Variants in ROBO2 observed in about 807,000 individuals in gnomAD.
ROBO2 encodes the protein roundabout homolog 2.
Under a neutral mutation model 160.8 loss-of-function variants are expected in ROBO2, and 53 were observed. The observed-to-expected ratio is 0.33, with a 90% CI of 0.26 to 0.41. ROBO2 has a LOEUF of 0.41. Among genes scored for constraint, ROBO2 ranks in the 10% least tolerant of loss-of-function variants. ROBO2 has a pLI of 1.00. For missense variants in ROBO2, 1,577 were observed against 1,722.4 expected (o/e 0.92, Z 1.49); for synonymous variants, 664 against 611.7 (o/e 1.09, Z -1.26).
chr3:76,742,287 C>G (rs1327370286), intron 2 of ROBO2, among the ~76,000 whole-genome samples: 1 of 152,074 alleles, frequency 6.6e-6, no homozygotes, highest in African/African-American at 2.4e-5. Flanking sequence ...AAGGGCTAGA[C>G]AATGATTAAA....
At chr3:76,472,454 C>A (rs2078715903) in intron 2 of ROBO2, among the ~76,000 whole-genome samples, 2 of 152,048 alleles carry the variant, frequency 1.3e-5, no homozygotes, top group African/African-American at 4.8e-5. Flanking sequence ...ATGCCGACTG[C>A]AATCCTCATC....
intron 2 of ROBO2, among the ~76,000 whole-genome samples, chr3:76,915,217 G>A (rs927518303): frequency 9.2e-5 from 14 of 152,168 alleles, no homozygotes; most frequent in African/African-American, 1.9e-4. Context: ...TCTATTCCCC[G>A]TGCTTAGCCA....
chr3:76,202,379 C>T (rs181621707), intron 2 of ROBO2, among the ~76,000 whole-genome samples: 18 of 152,202 alleles, frequency 1.2e-4, no homozygotes, highest in Admixed American at 7.9e-4. Context: ...GTAGGAAACG[C>T]GGATTGATGA....
At chr3:77,037,314 G>A (rs980166016), upstream of ROBO2, among the ~76,000 whole-genome samples, 4 of 152,124 alleles carry the variant, frequency 2.6e-5, no homozygotes, top group African/African-American at 9.7e-5. Flanking sequence ...ATTCCAAAAT[G>A]TTTTGGTGAA....
intron 2 of ROBO2, among the ~76,000 whole-genome samples, chr3:76,608,277 A>G (rs561207472): frequency 3.3e-5 from 5 of 152,274 alleles, no homozygotes; most frequent in African/African-American, 1.2e-4. Flanking sequence ...TTGAAGTGCC[A>G]TCCCATTCTG....
At chr3:76,981,914 A>G (rs1377339721) in intron 2 of ROBO2, among the ~76,000 whole-genome samples, 1 of 152,150 alleles carries the variant, frequency 6.6e-6, no homozygotes, top group African/African-American at 2.4e-5. Context: ...CAAACTCACT[A>G]TCTTACAGGC....
chr3:76,465,522 G>A (rs2078314600), intron 2 of ROBO2, among the ~76,000 whole-genome samples: 1 of 151,950 alleles, frequency 6.6e-6, no homozygotes, highest in Non-Finnish European at 1.5e-5. Flanking sequence ...TCAGAAAAAT[G>A]ATGGATGATA....
intron 2 of ROBO2, among the ~76,000 whole-genome samples, chr3:77,266,267 A>G (rs1470203): frequency 0.53 from 79,714 of 151,530 alleles, 21,635 homozygotes; most frequent in Middle Eastern, 0.71. Context: ...CAGTGCTCTA[A>G]GTAGCTTATA....
intron 2 of ROBO2, among the ~76,000 whole-genome samples, chr3:76,005,623 A>T (rs983082893): frequency 1.3e-5 from 2 of 152,204 alleles, no homozygotes; most frequent in African/African-American, 4.8e-5. Context: ...CACACTTTTG[A>T]TAAGCCAATA....
At chr3:77,394,147 T>A (rs1452735716) in intron 2 of ROBO2, among the ~76,000 whole-genome samples, 1 of 152,182 alleles carries the variant, frequency 6.6e-6, no homozygotes, top group Non-Finnish European at 1.5e-5. Flanking sequence ...ATCTGTACTT[T>A]AAGAAGGGCC....
chr3:76,374,482 C>T (rs2108503824), intron 2 of ROBO2, among the ~76,000 whole-genome samples: 1 of 151,988 alleles, frequency 6.6e-6, no homozygotes, highest in East Asian at 1.9e-4. Context: ...TGAAAAATAG[C>T]CGTGTTCTCT....
intron 2 of ROBO2, among the ~76,000 whole-genome samples, chr3:76,401,889 A>G (rs1467419230): frequency 6.6e-6 from 1 of 151,566 alleles, no homozygotes; most frequent in Non-Finnish European, 1.5e-5. Context: ...AAGTGAATTC[A>G]TCATAGCCTA....
At chr3:76,452,840 T>A (rs1014302775) in intron 2 of ROBO2, among the ~76,000 whole-genome samples, 3 of 152,212 alleles carry the variant, frequency 2.0e-5, no homozygotes, top group African/African-American at 7.2e-5. Context: ...GCACCTGTTG[T>A]TTCCTGACTT....
chr3:76,058,868 C>A (rs2067960240), intron 2 of ROBO2, among the ~76,000 whole-genome samples: 1 of 135,234 alleles, frequency 7.4e-6, no homozygotes, highest in East Asian at 2.2e-4. Context: ...TCTCATTGTT[C>A]AATTCCCACC....
intron 2 of ROBO2, among the ~76,000 whole-genome samples, chr3:76,091,595 A>G (rs2069239039): frequency 6.6e-6 from 1 of 152,186 alleles, no homozygotes; most frequent in South Asian, 2.1e-4. Flanking sequence ...AAATAAACTG[A>G]AAACTTATGT....
At chr3:76,270,189 A>G in intron 2 of ROBO2, among the ~76,000 whole-genome samples, 1 of 152,074 alleles carries the variant, frequency 6.6e-6, no homozygotes, top group Admixed American at 6.6e-5. Context: ...GGTTCAAGGG[A>G]ACCACAATGG....
chr3:76,145,531 A>C (rs565341520), intron 2 of ROBO2, among the ~76,000 whole-genome samples: 50 of 152,164 alleles, frequency 3.3e-4, no homozygotes, highest in African/African-American at 1.0e-3. Flanking sequence ...AAAAATACGT[A>C]AATTAATGTA....
intron 2 of ROBO2, among the ~76,000 whole-genome samples, chr3:76,756,747 A>T (rs1169171609): frequency 6.6e-6 from 1 of 151,882 alleles, no homozygotes; most frequent in Non-Finnish European, 1.5e-5. Context: ...GTTACCAGGA[A>T]GCTTTCAAAC....
At chr3:76,014,756 G>A (rs1339332451) in intron 2 of ROBO2, among the ~76,000 whole-genome samples, 3 of 152,148 alleles carry the variant, frequency 2.0e-5, no homozygotes, top group Non-Finnish European at 4.4e-5. Context: ...GGAAAGACCA[G>A]TTTCTACAAA....
Sources: allele counts gnomAD v4.1 joint callset (sites outside exome capture counted in the v4.1 genomes callset), GRCh38; gene constraint gnomAD v4.1.1; transcripts MANE v1.5; gene names NCBI Gene and HGNC (gene_info 2026-07-23, HGNC 2026-07-21).